The following NELL2 variants were observed in gnomAD, a reference collection of about 807,000 sequenced individuals.
NELL2 encodes the protein neural EGFL like 2, also known as protein kinase C-binding protein NELL2.
A neutral mutation model predicts 109.6 loss-of-function variants in NELL2; 41 were observed. That is an observed-to-expected ratio of 0.37 (90% CI 0.29 to 0.49). NELL2 has a LOEUF of 0.49. Among genes scored for constraint, NELL2 ranks in the 20% least tolerant of loss-of-function variants. NELL2 has a pLI of 0.98. For missense variants in NELL2, 900 were observed against 1,008.3 expected, an observed-to-expected ratio of 0.89 and a Z score of 1.45; for synonymous variants, 355 against 344.7, an observed-to-expected ratio of 1.03 and a Z score of -0.33.
intron 3 of NELL2, among the ~76,000 whole-genome samples, chr12:44,781,821 A>G (rs7973551): frequency 0.24 from 36,137 of 151,908 alleles, 4,580 homozygotes; most frequent in South Asian, 0.3. Context: ...TCAGGAATGA[A>G]GAGAAATCAA....
intron 15 of NELL2, among the ~76,000 whole-genome samples, chr12:44,541,657 A>G (rs1392889471): frequency 1.3e-5 from 2 of 152,174 alleles, no homozygotes; most frequent in Non-Finnish European, 2.9e-5. Context: ...TAATAATAAT[A>G]ATAAGTCCAG....
chr12:44,560,187 C>G (rs565980818), intron 15 of NELL2, among the ~76,000 whole-genome samples: 1 of 151,922 alleles, frequency 6.6e-6, no homozygotes, highest in African/African-American at 2.4e-5. Context: ...ATTGTTGAGA[C>G]GGAAATTTAT....
At chr12:44,749,204 G>T (rs2136522395) in intron 9 of NELL2, among the ~76,000 whole-genome samples, 1 of 152,232 alleles carries the variant, frequency 6.6e-6, no homozygotes, top group South Asian at 2.1e-4. Flanking sequence ...AAGGCAAACT[G>T]CCAAAGAAAT....
chr12:44,619,162 AG>A (rs922887366), intron 13 of NELL2, among the ~76,000 whole-genome samples: 1 of 152,136 alleles, frequency 6.6e-6, no homozygotes, highest in African/African-American at 2.4e-5. Flanking sequence ...TTAACAGAAA[AG>A]GGTAAAGACG....
chr12:44,667,715 T>G (rs900605327), intron 12 of NELL2, among the ~76,000 whole-genome samples: 5 of 152,142 alleles, frequency 3.3e-5, no homozygotes, highest in Non-Finnish European at 7.4e-5. Context: ...AGCAGGAAAG[T>G]GTCAGAGAAC....
At chr12:44,681,088 G>A (rs1948481904) in intron 12 of NELL2, among the ~76,000 whole-genome samples, 1 of 150,244 alleles carries the variant, frequency 6.7e-6, no homozygotes, top group Non-Finnish European at 1.5e-5. Context: ...TTTTCTTTTA[G>A]ATGAGATAAG....
intron 13 of NELL2, among the ~76,000 whole-genome samples, chr12:44,611,654 C>T (rs1199413650): frequency 2.6e-5 from 4 of 152,084 alleles, no homozygotes; most frequent in Admixed American, 2.0e-4. Context: ...CATTGAATTA[C>T]TTGATCCTTA....
chr12:44,801,520 G>A (rs764832712), intron 3 of NELL2, among the ~76,000 whole-genome samples: 3 of 152,072 alleles, frequency 2.0e-5, no homozygotes, highest in Non-Finnish European at 2.9e-5. Context: ...TAGTTAGGAC[G>A]ATGGGCTGTG....
At chr12:44,699,218 T>C (rs565545488) in intron 12 of NELL2, among the ~76,000 whole-genome samples, 1 of 152,202 alleles carries the variant, frequency 6.6e-6, no homozygotes, top group African/African-American at 2.4e-5. Flanking sequence ...AAGAAATCTA[T>C]AGGAGGTGAG....
chr12:44,600,104 G>C (rs1966856), intron 15 of NELL2, among the ~76,000 whole-genome samples: 44,943 of 150,414 alleles, frequency 0.3, 6,984 homozygotes, highest in East Asian at 0.47. Flanking sequence ...TGGGACTGCA[G>C]GCGCCCGCCA....
chr12:44,551,020 A>G (rs1943027003), intron 15 of NELL2, among the ~76,000 whole-genome samples: 1 of 152,212 alleles, frequency 6.6e-6, no homozygotes, highest in African/African-American at 2.4e-5. Context: ...GTTCTTACCA[A>G]TAAACAAGTA....
At position 44,709,249 on chromosome 12, in the gene NELL2, C is replaced by T. The variant is rs534988215; in HGVS notation, c.1189+2043G>A. Among the ~76,000 whole-genome samples the T allele has an allele frequency of 3.8e-4, 58 of 152,250 alleles. 1 individual carries two copies. The highest frequency in any genetic ancestry group is 1.3e-3 in the African/African-American group (55 of 41,548). On this transcript the variant is annotated intron_variant, in intron 11 of 19. Transcript: ENST00000429094. ...TGCCTGTGAGTGCTTTGACCAATTG[C>T]ATATGATAGAAGTGATGTGGTGCCA...
intron 9 of NELL2, among the ~76,000 whole-genome samples, chr12:44,769,832 A>G (rs1316959624): frequency 2.0e-5 from 3 of 152,156 alleles, no homozygotes; most frequent in African/African-American, 7.2e-5. Context: ...AATGAGATGC[A>G]GCTACATTTT....
chr12:44,705,593 C>A (rs1004574685), intron 11 of NELL2, among the ~76,000 whole-genome samples: 1 of 152,010 alleles, frequency 6.6e-6, no homozygotes, highest in Admixed American at 6.6e-5. Flanking sequence ...AAATGTATTC[C>A]GCTGTCTTTT....
chr12:44,913,677 A>C, intron 1 of NELL2: 1 of 433,154 alleles, frequency 2.3e-6, no homozygotes, highest in Non-Finnish European at 4.2e-6. Context: ...TTAAAGAAAA[A>C]CAATATGATT....
chr12:44,527,221 T>C (rs1215685305), intron 16 of NELL2, among the ~76,000 whole-genome samples: 1 of 152,246 alleles, frequency 6.6e-6, no homozygotes, highest in Non-Finnish European at 1.5e-5. Flanking sequence ...CTTCATTTTT[T>C]TGGTATCAAA....
At chr12:44,648,075 G>A (rs1947160304) in intron 13 of NELL2, among the ~76,000 whole-genome samples, 1 of 152,146 alleles carries the variant, frequency 6.6e-6, no homozygotes, top group African/African-American at 2.4e-5. Context: ...TATGCTTGGA[G>A]GGGGCTCCAC....
chr12:44,643,463 T>C (rs1294838796), intron 13 of NELL2, among the ~76,000 whole-genome samples: 1 of 152,124 alleles, frequency 6.6e-6, no homozygotes, highest in African/African-American at 2.4e-5. Context: ...TAAAAAGTTA[T>C]GTCTAAAATA....
intron 9 of NELL2, among the ~76,000 whole-genome samples, chr12:44,759,247 C>T (rs867440420): frequency 3.9e-5 from 6 of 152,192 alleles, no homozygotes; most frequent in African/African-American, 1.4e-4. Flanking sequence ...ACAAGTTTTT[C>T]TATCCCTGTT....
Sources: allele counts gnomAD v4.1 joint callset (sites outside exome capture counted in the v4.1 genomes callset), GRCh38; gene constraint gnomAD v4.1.1; transcripts MANE v1.5; gene names NCBI Gene and HGNC (gene_info 2026-07-23, HGNC 2026-07-21).